The following CPNE4 variants were observed in gnomAD, a reference collection of about 807,000 sequenced individuals.
CPNE4 encodes the protein copine-4.
CPNE4 carries 25 observed loss-of-function variants against 67.9 expected under a neutral mutation model. That is an observed-to-expected ratio of 0.37 (90% confidence interval 0.27 to 0.51). The LOEUF (loss-of-function observed/expected upper bound fraction) is 0.51. CPNE4 is among the 20% of genes least tolerant of loss of function. The probability of loss-of-function intolerance (pLI) is 0.93; values close to 1 mark genes in which losing one functional copy is unlikely to be tolerated. For missense variants in CPNE4, 464 were observed against 690.8 expected, an observed-to-expected ratio of 0.67 and a Z score of 3.68; for synonymous variants, 242 against 244.9, an observed-to-expected ratio of 0.99 and a Z score of 0.11.
chr3:131,933,091 T>C (rs1304215960), intron 1 of CPNE4, among the ~76,000 whole-genome samples: 3 of 151,930 alleles, frequency 2.0e-5, no homozygotes, highest in Non-Finnish European at 4.4e-5. Flanking sequence ...GCTTGAGAGG[T>C]AGCCAAGGGT....
chr3:131,538,233 C>CA (rs1935277491), intron 15 of CPNE4, among the ~76,000 whole-genome samples: 1 of 152,194 alleles, frequency 6.6e-6, no homozygotes, highest in Admixed American at 6.5e-5. Context: ...GTCTTAGTCT[C>CA]ACGCAACTAT....
chr3:131,650,744 C>CAA (rs141219633), intron 7 of CPNE4, among the ~76,000 whole-genome samples: 42 of 61,196 alleles, frequency 6.9e-4, no homozygotes, highest in South Asian at 6.0e-3. Context: ...GACTCCGTCT[C>CAA]AAAAAAAAAA....
chr3:132,038,663 T>A (rs1324126988), upstream of CPNE4, among the ~76,000 whole-genome samples: 1 of 152,182 alleles, frequency 6.6e-6, no homozygotes, highest in Non-Finnish European at 1.5e-5. Context: ...TGGATTGAAC[T>A]CCAGCTCCAA....
At chr3:131,950,326 T>C (rs2071685836) in intron 1 of CPNE4, among the ~76,000 whole-genome samples, 2 of 152,228 alleles carry the variant, frequency 1.3e-5, no homozygotes, top group Non-Finnish European at 2.9e-5. Context: ...GTAACCCACA[T>C]CACAGCCTTC....
chr3:131,780,072 T>C (rs2083394821), intron 2 of CPNE4, among the ~76,000 whole-genome samples: 1 of 152,074 alleles, frequency 6.6e-6, no homozygotes, highest in Non-Finnish European at 1.5e-5. Context: ...AACAGGCATA[T>C]GAAAAAATGC....
At chr3:131,792,634 C>CGTGTGTATATATGTAT (rs2083766268) in intron 2 of CPNE4, among the ~76,000 whole-genome samples, 1 of 87,282 alleles carries the variant, frequency 1.1e-5, no homozygotes, top group African/African-American at 4.7e-5. Flanking sequence ...TATATATACA[C>CGTGTGTATATATGTAT]ACGTGTATAT....
At chr3:131,811,906 C>T (rs1193695854) in intron 2 of CPNE4, among the ~76,000 whole-genome samples, 1 of 152,058 alleles carries the variant, frequency 6.6e-6, no homozygotes, top group Non-Finnish European at 1.5e-5. Flanking sequence ...AAGCATCTTG[C>T]TCAAGGTCAC....
chr3:131,954,266 T>C (rs985537832), intron 1 of CPNE4, among the ~76,000 whole-genome samples: 1 of 152,120 alleles, frequency 6.6e-6, no homozygotes, highest in African/African-American at 2.4e-5. Context: ...GAAGGAATAA[T>C]ACATGAAATC....
At chr3:131,608,351 C>T (rs373925788) in intron 7 of CPNE4, among the ~76,000 whole-genome samples, 1 of 152,034 alleles carries the variant, frequency 6.6e-6, no homozygotes, top group Non-Finnish European at 1.5e-5. Context: ...GAGTGGATAG[C>T]AATCTGACTG....
intron 7 of CPNE4, among the ~76,000 whole-genome samples, chr3:131,604,103 G>C (rs978834350): frequency 9.9e-5 from 15 of 152,138 alleles, no homozygotes; most frequent in African/African-American, 3.4e-4. Flanking sequence ...CCAGATTTCT[G>C]TTCTATGTCA....
At chr3:132,030,603 C>T (rs570662878) in intron 1 of CPNE4, among the ~76,000 whole-genome samples, 1 of 152,280 alleles carries the variant, frequency 6.6e-6, no homozygotes, top group Non-Finnish European at 1.5e-5. Context: ...ACTTGCCTTC[C>T]AACCCTCAAT....
At chr3:131,910,023 T>G (rs1171823414) in intron 1 of CPNE4, among the ~76,000 whole-genome samples, 1 of 152,066 alleles carries the variant, frequency 6.6e-6, no homozygotes, top group East Asian at 1.9e-4. Context: ...TAAAGATCAG[T>G]CTAGTACTAA....
chr3:131,565,505 C>T (rs79592251), intron 10 of CPNE4, among the ~76,000 whole-genome samples: 262 of 152,016 alleles, frequency 1.7e-3, no homozygotes, highest in African/African-American at 6.1e-3. Flanking sequence ...ACACATGCCA[C>T]GTGTGTGTTT....
intron 1 of CPNE4, among the ~76,000 whole-genome samples, chr3:131,972,841 C>T (rs1169322402): frequency 1.3e-5 from 2 of 152,164 alleles, no homozygotes; most frequent in Non-Finnish European, 2.9e-5. Flanking sequence ...CAGATGTTCC[C>T]AGTGAACTTA....
chr3:131,918,717 G>GT (rs927570974), intron 1 of CPNE4, among the ~76,000 whole-genome samples: 2 of 152,002 alleles, frequency 1.3e-5, no homozygotes, highest in Admixed American at 1.3e-4. Context: ...ACATAAAACA[G>GT]TTTTTTTGTA....
chr3:131,706,009 G>C (rs1263411658), intron 3 of CPNE4, among the ~76,000 whole-genome samples: 2 of 152,158 alleles, frequency 1.3e-5, no homozygotes, highest in East Asian at 1.9e-4. Context: ...TGGCAGCCAG[G>C]AGAAAGAGAA....
At chr3:131,910,178 A>C (rs2088924685) in intron 1 of CPNE4, among the ~76,000 whole-genome samples, 1 of 152,140 alleles carries the variant, frequency 6.6e-6, no homozygotes. Flanking sequence ...ATTGACTGCC[A>C]GCACACTGTT....
chr3:132,024,006 T>A (rs1170062389), intron 1 of CPNE4, among the ~76,000 whole-genome samples: 2 of 152,184 alleles, frequency 1.3e-5, no homozygotes, highest in East Asian at 3.9e-4. Context: ...GGTAAACTGC[T>A]TTGTTTTAAT....
chr3:131,676,029 CTATTATTAT>C (rs34007329), intron 6 of CPNE4, among the ~76,000 whole-genome samples: 21,076 of 138,356 alleles, frequency 0.15, 1,657 homozygotes, highest in South Asian at 0.17. Context: ...ATGTTATAAC[CTATTATTAT>C]TATTATTATT....
Sources: gnomAD v4.1 joint callset for allele counts (sites outside exome capture counted in the v4.1 genomes callset) on GRCh38, gnomAD v4.1.1 for gene constraint, MANE v1.5 for transcripts, NCBI Gene and HGNC (gene_info 2026-07-23, HGNC 2026-07-21) for gene names.